Variants in CDH13 observed in about 807,000 individuals in gnomAD.
CDH13 encodes cadherin 13, also known as cadherin-13.
In CDH13, 24 loss-of-function variants were observed where a neutral mutation model predicts 63.8. The ratio of observed to expected loss-of-function variants is 0.38; its 90% CI spans 0.27 to 0.53. The LOEUF (loss-of-function observed/expected upper bound fraction) is 0.53. Among genes scored for constraint, CDH13 ranks in the 20% least tolerant of loss-of-function variants. The pLI is 0.85. For synonymous variants in CDH13, 503 were observed against 355.3 expected, an observed-to-expected ratio of 1.42 and a Z score of -4.67; for missense variants, 1,049 against 903.1, an observed-to-expected ratio of 1.16 and a Z score of -2.07.
chr16:82,700,847 G>T (rs1387432934), intron 1 of CDH13, among the ~76,000 whole-genome samples: 1 of 149,282 alleles, frequency 6.7e-6, no homozygotes, highest in African/African-American at 2.5e-5. Flanking sequence ...TATCCCAAAT[G>T]ATTACTATTC....
intron 10 of CDH13, among the ~76,000 whole-genome samples, chr16:83,685,040 C>G (rs1350378035): frequency 6.6e-6 from 1 of 152,106 alleles, no homozygotes; most frequent in African/African-American, 2.4e-5. Context: ...TGCTAGTGCT[C>G]CAACCTTCAT....
intron 5 of CDH13, among the ~76,000 whole-genome samples, chr16:83,227,257 C>G (rs2039868378): frequency 6.6e-6 from 1 of 152,212 alleles, no homozygotes; most frequent in South Asian, 2.1e-4. Context: ...ACCTGTAGCA[C>G]TGTGGCATGG....
At chr16:83,479,238 T>A (rs869083797) in intron 6 of CDH13, among the ~76,000 whole-genome samples, 1 of 151,966 alleles carries the variant, frequency 6.6e-6, no homozygotes, top group Non-Finnish European at 1.5e-5. Context: ...ATCCTGAGAG[T>A]GAGTCCTAGA....
At chr16:83,592,952 C>T (rs1684242798) in intron 7 of CDH13, among the ~76,000 whole-genome samples, 1 of 152,116 alleles carries the variant, frequency 6.6e-6, no homozygotes, top group Admixed American at 6.5e-5. Flanking sequence ...GAATAAGGCA[C>T]ATTTTATGAG....
At chr16:83,557,576 G>A (rs2075628837) in intron 7 of CDH13, among the ~76,000 whole-genome samples, 1 of 152,072 alleles carries the variant, frequency 6.6e-6, no homozygotes, top group Non-Finnish European at 1.5e-5. Flanking sequence ...CGGAAACAGG[G>A]GCATCTAAAA....
At chr16:82,657,067 T>C (rs1433255743) in intron 1 of CDH13, among the ~76,000 whole-genome samples, 3 of 152,160 alleles carry the variant, frequency 2.0e-5, no homozygotes, top group African/African-American at 4.8e-5. Flanking sequence ...TTTCCTCATA[T>C]AGATCTTGTA....
At chr16:83,620,989 C>T (rs1909759745) in intron 8 of CDH13, among the ~76,000 whole-genome samples, 1 of 152,154 alleles carries the variant, frequency 6.6e-6, no homozygotes, top group Non-Finnish European at 1.5e-5. Context: ...TCTGAAAGCA[C>T]CTGCTTTGTA....
intron 3 of CDH13, among the ~76,000 whole-genome samples, chr16:83,103,536 G>A (rs774223473): frequency 3.3e-5 from 5 of 152,068 alleles, no homozygotes; most frequent in Admixed American, 1.3e-4. Flanking sequence ...ATGAGCCACC[G>A]TGCCCGGCTA....
chr16:83,097,004 A>G (rs1432670818), intron 3 of CDH13, among the ~76,000 whole-genome samples: 1 of 152,140 alleles, frequency 6.6e-6, no homozygotes. Context: ...GTCAAGATTG[A>G]GTGTACCTCT....
chr16:83,575,893 A>G (rs2150713394), intron 7 of CDH13, among the ~76,000 whole-genome samples: 1 of 152,360 alleles, frequency 6.6e-6, no homozygotes, highest in East Asian at 1.9e-4. Flanking sequence ...CCCAGAAACT[A>G]GCACATAGTA....
chr16:83,426,575 G>T (rs2071905766), intron 6 of CDH13, among the ~76,000 whole-genome samples: 1 of 150,786 alleles, frequency 6.6e-6, no homozygotes, highest in African/African-American at 2.4e-5. Context: ...CAGTTTTCCA[G>T]CCTCCTGGAC....
rs1445895867 is a variant in CDH13 at position 82,627,038 on chromosome 16, C to T, written c.-55C>T. 1 of 1,560,444 alleles carries T rather than the reference C, an allele frequency of 6.4e-7. No individual in the cohort carries two copies. Among genetic ancestry groups the T allele is most frequent in the Non-Finnish European group, 8.7e-7 (1 of 1,151,270 alleles). On this transcript the variant is annotated 5_prime_UTR_variant, in exon 1 of 14. Transcript: ENST00000567109. The stretch of plus-strand genomic sequence containing the variant: ...GCCTGGCTCCCACGGAAAATATGCT[C>T]AGTGCAGCCGCGTGCATGAATGAAA...
At chr16:82,996,426 G>A (rs186054912) in intron 2 of CDH13, among the ~76,000 whole-genome samples, 37 of 152,146 alleles carry the variant, frequency 2.4e-4, no homozygotes, top group African/African-American at 8.2e-4. Context: ...TTGTGCAAAA[G>A]CCAGCCCAGG....
chr16:83,714,716 C>T (rs1439696771), intron 10 of CDH13, among the ~76,000 whole-genome samples: 2 of 152,096 alleles, frequency 1.3e-5, no homozygotes, highest in East Asian at 3.9e-4. Context: ...TGTTTGACAT[C>T]CTGGCATCTT....
rs144196113 is a variant in CDH13, at chr16:82,672,565, C to G, written c.45+45428C>G. 3.5e-3 allele frequency among the ~76,000 whole-genome samples: 530 copies of G among 152,144 alleles called. 8 individuals carry two copies. Among genetic ancestry groups the G allele is most frequent in the Non-Finnish European group, 6.1e-3 (414 of 68,014 alleles). ...CTCTTCCCTCCACTCTTCTCTGATCCTTTCGCACCATATCATCCCCTACTG... is the reference window on the plus strand; with the variant it reads ...CTCTTCCCTCCACTCTTCTCTGATCGTTTCGCACCATATCATCCCCTACTG... On this transcript the variant is annotated intron_variant, in intron 1 of 13. Coordinates refer to ENST00000567109, the MANE Select transcript of CDH13 (RefSeq NM_001257.5).
intron 5 of CDH13, among the ~76,000 whole-genome samples, chr16:83,292,011 G>A (rs1380107234): frequency 1.3e-5 from 2 of 152,142 alleles, no homozygotes; most frequent in African/African-American, 4.8e-5. Flanking sequence ...GAGTTAATTT[G>A]TAATGTCCTT....
chr16:82,720,949 G>C (rs1403709606), intron 1 of CDH13, among the ~76,000 whole-genome samples: 8 of 152,304 alleles, frequency 5.3e-5, no homozygotes, highest in Admixed American at 5.2e-4. Context: ...AGGTTTACTG[G>C]AGAAGGGATC....
intron 6 of CDH13, among the ~76,000 whole-genome samples, chr16:83,385,790 T>A (rs1234007896): frequency 6.6e-6 from 1 of 152,146 alleles, no homozygotes; most frequent in Non-Finnish European, 1.5e-5. Flanking sequence ...CTTTGGTGAA[T>A]TCTAAAGATT....
intron 6 of CDH13, among the ~76,000 whole-genome samples, chr16:83,445,293 T>C (rs1276462919): frequency 4.5e-5 from 6 of 133,130 alleles, no homozygotes; most frequent in Admixed American, 2.3e-4. Context: ...TAAAAGGTTT[T>C]ATAAATTATA....
Sources: allele counts gnomAD v4.1 joint callset (sites outside exome capture counted in the v4.1 genomes callset), GRCh38; gene constraint gnomAD v4.1.1; transcripts MANE v1.5; gene names NCBI Gene and HGNC (gene_info 2026-07-23, HGNC 2026-07-21).